KHDRBS1: variants seen among roughly 807,000 people sequenced by gnomAD.
KHDRBS1 encodes the protein KH domain-containing, RNA-binding, signal transduction-associated protein 1.
A neutral mutation model predicts 48.4 loss-of-function variants in KHDRBS1; 7 were observed. The observed-to-expected ratio is 0.14, with a 90% CI of 0.08 to 0.27. The LOEUF (loss-of-function observed/expected upper bound fraction) is 0.27. KHDRBS1 is among the 10% of genes least tolerant of loss of function. The pLI is 1.00. For synonymous variants in KHDRBS1, 241 were observed against 235.8 expected (o/e 1.02, Z -0.20); for missense variants, 458 against 601.2 (o/e 0.76, Z 2.49).
At chr1:32,038,087 A>G in intron 6 of KHDRBS1, 51 bp downstream of exon 6, 2 of 1,603,046 alleles carry the variant, frequency 1.2e-6, no homozygotes, top group Non-Finnish European at 1.7e-6. Context: ...AGGCTGCTAA[A>G]GGAAGTTGAA....
At chr1:32,046,629 G>A (rs1333465452), downstream of KHDRBS1, among the ~76,000 whole-genome samples, 1 of 152,202 alleles carries the variant, frequency 6.6e-6, no homozygotes, top group African/African-American at 2.4e-5. Flanking sequence ...TGACAACAGT[G>A]AGCTTTCCTG....
chr1:32,016,094 C>T (rs1311009280), intron 1 of KHDRBS1, among the ~76,000 whole-genome samples: 1 of 151,446 alleles, frequency 6.6e-6, no homozygotes, highest in Admixed American at 6.6e-5. Flanking sequence ...AGGAAAATCA[C>T]TTGAACCTGG....
chr1:32,025,923 A>T (rs1380627774), intron 1 of KHDRBS1, among the ~76,000 whole-genome samples: 3 of 144,242 alleles, frequency 2.1e-5, no homozygotes, highest in Admixed American at 6.9e-5. Flanking sequence ...TTAAATATAT[A>T]TATATATTTA....
At chr1:32,014,494 C>A in intron 1 of KHDRBS1, 117 bp downstream of exon 1, 1 of 1,058,072 alleles carries the variant, frequency 9.5e-7, no homozygotes, top group Non-Finnish European at 1.2e-6. Flanking sequence ...GAGTTCCGGT[C>A]TCATCCTCAT....
At chr1:32,045,104 C>G (rs1347185178), downstream of KHDRBS1, among the ~76,000 whole-genome samples, 1 of 152,132 alleles carries the variant, frequency 6.6e-6, no homozygotes, top group Non-Finnish European at 1.5e-5. Context: ...ATTAGACCTC[C>G]TGCTGCACCC....
chr1:32,041,559 TAAG>T (rs1557898146), intron 8 of KHDRBS1, among the ~76,000 whole-genome samples: 1 of 150,302 alleles, frequency 6.7e-6, no homozygotes, highest in Non-Finnish European at 1.5e-5. Context: ...CCTGTTGACT[TAAG>T]AAAGGAGATA....
chr1:32,019,114 A>G (rs1362600852), intron 1 of KHDRBS1, among the ~76,000 whole-genome samples: 2 of 151,420 alleles, frequency 1.3e-5, no homozygotes, highest in African/African-American at 4.9e-5. Context: ...CAAACAAACA[A>G]ACAAAAAACC....
chr1:32,048,922 G>A (rs116670112), intron 10 of KHDRBS1, among the ~76,000 whole-genome samples: 1,851 of 152,076 alleles, frequency 0.012, 38 homozygotes, highest in African/African-American at 0.042. Flanking sequence ...AAGATGACAA[G>A]GGTTTAGCCT....
intron 3 of KHDRBS1, among the ~76,000 whole-genome samples, chr1:32,032,221 A>C (rs1024378763): frequency 2.6e-5 from 4 of 152,164 alleles, no homozygotes; most frequent in Non-Finnish European, 4.4e-5. Flanking sequence ...GAAACTTCTC[A>C]CCAAAACAGA....
At chr1:32,038,678 G>A in intron 7 of KHDRBS1, 59 bp downstream of exon 7, 2 of 1,516,884 alleles carry the variant, frequency 1.3e-6, no homozygotes, top group Admixed American at 1.7e-5. Context: ...GGGAGTTGGA[G>A]GAACAGAGAG....
chr1:32,028,612 C>G (rs1639021337), intron 1 of KHDRBS1, among the ~76,000 whole-genome samples: 2 of 149,590 alleles, frequency 1.3e-5, no homozygotes, highest in Admixed American at 6.7e-5. Context: ...ATGCCATTCT[C>G]CTGCCCCAGC....
chr1:32,022,708 G>A (rs2124363216), intron 1 of KHDRBS1, among the ~76,000 whole-genome samples: 1 of 152,188 alleles, frequency 6.6e-6, no homozygotes, highest in East Asian at 1.9e-4. Context: ...AGCTAACACG[G>A]TGAAACCCCG....
In KHDRBS1 at chr1:32,014,340, C is replaced by T. The variant is rs770735488; in HGVS notation, c.345C>T (p.Asp115=). The T allele has an allele frequency of 9.7e-6, 15 of 1,539,366 alleles. No homozygotes were observed. Among genetic ancestry groups the T allele is most frequent in the Admixed American group, 5.7e-5 (3 of 52,948 alleles). Residue 115 remains aspartate, a synonymous_variant, in exon 1 of 9, where the codon GAC becomes GAT. Transcript: ENST00000327300. The part of the protein sequence containing the change: ...PELMAEKDSL[D]PSFTHAMQLL... Reference sequence around the variant, plus strand: ...TCATGGCCGAGAAGGACTCGCTCGACCCGTCCTTCACTCACGCCATGCAGC... The same window carrying T: ...TCATGGCCGAGAAGGACTCGCTCGATCCGTCCTTCACTCACGCCATGCAGC...
intron 10 of KHDRBS1, among the ~76,000 whole-genome samples, chr1:32,053,792 C>T (rs1330412152): frequency 6.6e-6 from 1 of 152,132 alleles, no homozygotes; most frequent in African/African-American, 2.4e-5. Context: ...GCATATAAAA[C>T]ATTCACCAGG....
At chr1:32,041,796 G>C (rs987573089) in intron 8 of KHDRBS1, among the ~76,000 whole-genome samples, 2 of 152,080 alleles carry the variant, frequency 1.3e-5, no homozygotes, top group African/African-American at 2.4e-5. Flanking sequence ...CACCCTGTTG[G>C]TCAGGCTGGT....
chr1:32,039,653 C>A, intron 8 of KHDRBS1, 80 bp downstream of exon 8: 2 of 798,058 alleles, frequency 2.5e-6, no homozygotes, highest in South Asian at 2.8e-5. Flanking sequence ...TATTGAGAGT[C>A]AGACAAACAC....
intron 1 of KHDRBS1, among the ~76,000 whole-genome samples, chr1:32,026,743 G>A (rs894836056): frequency 6.6e-6 from 1 of 152,146 alleles, no homozygotes; most frequent in African/African-American, 2.4e-5. Context: ...CTCAATGGTA[G>A]CCCTCGGAAG....
intron 10 of KHDRBS1, among the ~76,000 whole-genome samples, chr1:32,050,950 G>A (rs1041804176): frequency 2.0e-5 from 3 of 152,068 alleles, no homozygotes; most frequent in African/African-American, 7.2e-5. Flanking sequence ...GAGTGCAGTG[G>A]CTCAATCTCG....
intron 10 of KHDRBS1, among the ~76,000 whole-genome samples, chr1:32,049,375 G>A (rs182524255): frequency 4.7e-4 from 72 of 151,648 alleles, no homozygotes; most frequent in South Asian, 1.3e-3. Flanking sequence ...CTTTCACTTC[G>A]GATGTTTTCA....
Sources: allele counts gnomAD v4.1 joint callset (sites outside exome capture counted in the v4.1 genomes callset), GRCh38; gene constraint gnomAD v4.1.1; transcripts MANE v1.5; gene names NCBI Gene and HGNC (gene_info 2026-07-23, HGNC 2026-07-21).